PLD1: variants seen among roughly 807,000 people sequenced by gnomAD.
PLD1 encodes the protein choline phosphatase 1.
A neutral mutation model predicts 137.1 loss-of-function variants in PLD1; 112 were observed. The ratio of observed to expected loss-of-function variants is 0.82; its 90% CI spans 0.70 to 0.96. The LOEUF (loss-of-function observed/expected upper bound fraction) is 0.96, where lower values mean the gene tolerates loss of function less well. Among genes scored for constraint, PLD1 ranks in the 40% least tolerant of loss-of-function variants. The probability of loss-of-function intolerance (pLI) is 0.00; values close to 1 mark genes in which losing one functional copy is unlikely to be tolerated. For missense variants in PLD1, 1,321 were observed against 1,342.0 expected, an observed-to-expected ratio of 0.98 and a Z score of 0.24; for synonymous variants, 431 against 454.7, an observed-to-expected ratio of 0.95 and a Z score of 0.66.
At chr3:171,776,396 A>G (rs1238000962) in intron 1 of PLD1, among the ~76,000 whole-genome samples, 2 of 152,194 alleles carry the variant, frequency 1.3e-5, no homozygotes, top group Non-Finnish European at 2.9e-5. Context: ...TAAGGCTAAG[A>G]ATTTGTTTCC....
At chr3:171,652,229 C>T (rs1736827232) in intron 21 of PLD1, among the ~76,000 whole-genome samples, 2 of 151,898 alleles carry the variant, frequency 1.3e-5, no homozygotes, top group South Asian at 4.1e-4. Context: ...CTGGATAACA[C>T]AGTGAAACCC....
chr3:171,715,176 G>A (rs934012066), intron 8 of PLD1, among the ~76,000 whole-genome samples: 5 of 152,132 alleles, frequency 3.3e-5, no homozygotes, highest in Non-Finnish European at 5.9e-5. Flanking sequence ...ATATCAAAGG[G>A]TAACCCCGTT....
chr3:171,623,855 C>T (rs949898641), intron 23 of PLD1, among the ~76,000 whole-genome samples: 2 of 151,862 alleles, frequency 1.3e-5, no homozygotes, highest in Non-Finnish European at 2.9e-5. Context: ...GATAAAACTC[C>T]AAATTTTTTT....
At position 171,737,673 on chromosome 3, in the gene PLD1, T is replaced by C. The variant is rs1719466420; in HGVS notation, c.161-14A>G. 6.9e-7 allele frequency: 1 copy of C among 1,458,740 alleles called. No homozygotes were observed. Among genetic ancestry groups the C allele is most frequent in the Non-Finnish European group, 9.4e-7 (1 of 1,059,428 alleles). 90.4% of individuals were successfully genotyped at this position (1,458,740 alleles called of 1,614,324 possible). Reference sequence around the variant, plus strand: ...AAGGGATATACACTAAAAAAAAAAGTAAATAAAGTTAATGCAATATATGAT... The same window carrying C: ...AAGGGATATACACTAAAAAAAAAAGCAAATAAAGTTAATGCAATATATGAT... On this transcript the variant is annotated splice_polypyrimidine_tract_variant and intron_variant, in intron 2 of 26. Coordinates refer to ENST00000351298, the MANE Select transcript of PLD1 (RefSeq NM_002662.5).
intron 1 of PLD1, among the ~76,000 whole-genome samples, chr3:171,799,755 T>C (rs577758471): frequency 1.3e-5 from 2 of 152,350 alleles, no homozygotes; most frequent in Admixed American, 1.3e-4. Flanking sequence ...GTACCCTTGA[T>C]ACGATGTAAT....
At chr3:171,735,106 C>T in intron 4 of PLD1, 136 bp from the exon 5 acceptor site, 2 of 608,932 alleles carry the variant, frequency 3.3e-6, no homozygotes, top group Non-Finnish European at 2.9e-6. Flanking sequence ...GACTAGTTAG[C>T]CGATATTGTG....
intron 1 of PLD1, among the ~76,000 whole-genome samples, chr3:171,783,414 G>A (rs1235446060): frequency 6.6e-6 from 1 of 152,044 alleles, no homozygotes; most frequent in Non-Finnish European, 1.5e-5. Flanking sequence ...AGTGGACCAA[G>A]CAGATAAGGT....
intron 6 of PLD1, among the ~76,000 whole-genome samples, chr3:171,731,955 A>T (rs1718981806): frequency 2.6e-5 from 4 of 152,236 alleles, no homozygotes; most frequent in Admixed American, 2.6e-4. Context: ...AAATCTAAAC[A>T]TTCTTTAGTC....
At chr3:171,680,379 C>T (rs1197129537) in intron 16 of PLD1, among the ~76,000 whole-genome samples, 1 of 150,896 alleles carries the variant, frequency 6.6e-6, no homozygotes, top group South Asian at 2.1e-4. Context: ...GGATTACAGG[C>T]GCACACCACC....
At position 171,618,713 on chromosome 3, in the gene PLD1, A is replaced by AGTGTGT. The variant is rs529980104; in HGVS notation, c.2728+1667_2728+1672dup. Among the ~76,000 whole-genome samples the AGTGTGT allele has an allele frequency of 1.7e-3, 232 of 134,724 alleles. 1 individual carries two copies. Among genetic ancestry groups the AGTGTGT allele is most frequent in the Admixed American group, 6.1e-3 (83 of 13,646 alleles). 88.4% of individuals were successfully genotyped at this position (134,724 alleles called of 152,430 possible). ...TTAAATGTGCTATACAAATATTAAAAGTGTGTATGTGTGTGTGTGTGTGTG... is the reference window on the plus strand; with the variant it reads ...TTAAATGTGCTATACAAATATTAAAAGTGTGTGTGTGTATGTGTGTGTGTGTGTGTG... On this transcript the variant is annotated intron_variant, in intron 24 of 26. Coordinates refer to ENST00000351298, the MANE Select transcript of PLD1 (RefSeq NM_002662.5).
rs957842023 is a variant in PLD1 at position 171,709,808 on chromosome 3, A to T, written c.912-99T>A. The T allele has an allele frequency of 9.5e-6, 10 of 1,051,040 alleles. 1 individual carries two copies. In the African/African-American group the frequency reaches 1.4e-4, roughly 15 times the overall value. The allele number at this position is 1,051,040 out of a possible 1,614,324, so 65.1% of individuals were successfully genotyped here. ...ATACCAAACACAAACTGAAAATTTG[A>T]GGCAAAGAACATCAAGAAAGCAGGC... is the stretch of plus-strand genomic sequence containing the variant. On this transcript the variant is annotated intron_variant, in intron 9 of 26. Transcript: ENST00000351298.
chr3:171,736,503 C>T (rs1719370492), intron 3 of PLD1, among the ~76,000 whole-genome samples: 1 of 152,174 alleles, frequency 6.6e-6, no homozygotes, highest in South Asian at 2.1e-4. Flanking sequence ...GGGAGTTGTG[C>T]TCAGTGGTGT....
intron 19 of PLD1, chr3:171,666,408 A>C (rs971744429): frequency 6.6e-6 from 1 of 152,174 alleles, no homozygotes; most frequent in Non-Finnish European, 1.5e-5. Flanking sequence ...TCACTATCAC[A>C]AGAACAGCAC....
intron 6 of PLD1, among the ~76,000 whole-genome samples, chr3:171,726,412 G>C (rs995412542): frequency 2.6e-5 from 4 of 152,092 alleles, no homozygotes; most frequent in African/African-American, 7.2e-5. Flanking sequence ...ATATTGTGTG[G>C]CACAGTGTAC....
chr3:171,675,972 A>T (rs916190480), intron 18 of PLD1, among the ~76,000 whole-genome samples: 1 of 151,768 alleles, frequency 6.6e-6, no homozygotes, highest in African/African-American at 2.4e-5. Flanking sequence ...CCTCCAGAGC[A>T]GTTGAGATTA....
chr3:171,714,033 C>A lies in PLD1; in HGVS notation c.771G>T (p.Val257=). The change falls in exon 9 of 27, where the codon GTG becomes GTT. Residue 257 remains valine (V), a synonymous_variant. Transcript: ENST00000351298. ...CYRWSKRWLI[V]KDSFLLYMKP... ...TCATATACAATAAAAAGGAATCTTT[C>A]ACTATTAACCATCTGTAAGAAGGTA... 6.3e-7 allele frequency: 1 copy of A among 1,597,628 alleles called. No homozygotes were observed. Among genetic ancestry groups the A allele is most frequent in the South Asian group, 1.1e-5 (1 of 90,150 alleles).
chr3:171,634,378 C>T (rs369263314), intron 23 of PLD1, among the ~76,000 whole-genome samples: 160 of 152,280 alleles, frequency 1.1e-3, no homozygotes, highest in African/African-American at 3.6e-3. Flanking sequence ...CGCATTTTTA[C>T]AAGCCACTGC....
intron 1 of PLD1, among the ~76,000 whole-genome samples, chr3:171,780,840 G>A (rs964441745): frequency 3.9e-5 from 6 of 152,146 alleles, no homozygotes; most frequent in Admixed American, 2.6e-4. Context: ...TGGATATACC[G>A]TGTTCACGGA....
intron 1 of PLD1, among the ~76,000 whole-genome samples, chr3:171,774,549 G>A (rs954543032): frequency 6.6e-6 from 1 of 152,226 alleles, no homozygotes; most frequent in African/African-American, 2.4e-5. Flanking sequence ...GTCCAGATAT[G>A]CATGTTGAAA....
Sources: allele counts gnomAD v4.1 joint callset (sites outside exome capture counted in the v4.1 genomes callset), GRCh38; gene constraint gnomAD v4.1.1; transcripts MANE v1.5; gene names NCBI Gene and HGNC (gene_info 2026-07-23, HGNC 2026-07-21).